The following ZNF248 variants were observed in gnomAD, a reference collection of about 807,000 sequenced individuals.
ZNF248 encodes the protein KRAB protein domain.
A neutral mutation model predicts 44.3 loss-of-function variants in ZNF248; 20 were observed. The ratio of observed to expected loss-of-function variants is 0.45; its 90% CI spans 0.32 to 0.66. ZNF248 has a LOEUF of 0.66. Among genes scored for constraint, ZNF248 ranks in the 30% least tolerant of loss-of-function variants. ZNF248 has a pLI of 0.04. For synonymous variants in ZNF248, 224 were observed against 229.0 expected, an observed-to-expected ratio of 0.98 and a Z score of 0.20; for missense variants, 654 against 677.0, an observed-to-expected ratio of 0.97 and a Z score of 0.38.
chr10:37,765,455 C>T, the ZNF248 span, among the ~76,000 whole-genome samples: 31 of 152,312 alleles, frequency 2.0e-4, no homozygotes, highest in Non-Finnish European at 3.2e-4. Context: ...AGGTGGTCCA[C>T]ACTTTGCATG....
downstream of ZNF248, among the ~76,000 whole-genome samples, chr10:37,826,709 CTATT>C (rs2054447381): frequency 6.6e-6 from 1 of 152,196 alleles, no homozygotes; most frequent in South Asian, 2.1e-4. Context: ...GCTGATACTA[CTATT>C]TATTTCTCTT....
At chr10:37,770,023 A>G in the ZNF248 span, among the ~76,000 whole-genome samples, 2 of 152,222 alleles carry the variant, frequency 1.3e-5, no homozygotes, top group Admixed American at 6.5e-5. Context: ...CCCTTTCACC[A>G]TTGCTTCAAA....
chr10:37,770,955 G>C, the ZNF248 span, among the ~76,000 whole-genome samples: 1 of 152,104 alleles, frequency 6.6e-6, no homozygotes, highest in African/African-American at 2.4e-5. Context: ...TCAAAAAGTG[G>C]GTGAAGGATA....
chr10:37,785,971 C>T (rs1451166145), intron 6 of ZNF248, among the ~76,000 whole-genome samples: 1 of 152,148 alleles, frequency 6.6e-6, no homozygotes, highest in African/African-American at 2.4e-5. Context: ...CAAAGAGCAG[C>T]TACCACAGAA....
At chr10:37,834,511 C>G (rs914342177) in intron 5 of ZNF248, among the ~76,000 whole-genome samples, 16 of 152,238 alleles carry the variant, frequency 1.1e-4, no homozygotes, top group Non-Finnish European at 2.1e-4. Flanking sequence ...TCTGGCTACA[C>G]AGATAATCAA....
intron 3 of ZNF248, 43 bp from the exon 4 acceptor site, chr10:37,838,154 A>G (rs746505625): frequency 6.4e-7 from 1 of 1,568,204 alleles, no homozygotes; most frequent in South Asian, 1.2e-5. Flanking sequence ...TCAGAACTAG[A>G]TGATACAGAA....
the ZNF248 span, among the ~76,000 whole-genome samples, chr10:37,767,776 T>C: frequency 6.6e-6 from 1 of 152,122 alleles, no homozygotes; most frequent in Non-Finnish European, 1.5e-5. Flanking sequence ...TAAATAACAA[T>C]GTTAACTTTA....
At position 37,833,087 on chromosome 10, in the gene ZNF248, C is replaced by CT. The variant is rs1350903686; in HGVS notation, c.267dup (p.Glu90ArgfsTer7). On this transcript the variant is annotated frameshift_variant, in exon 6 of 6. Coordinates refer to ENST00000395867, the MANE Select transcript of ZNF248 (RefSeq NM_021045.3). LOFTEE classifies it low-confidence loss of function (END_TRUNC). ...TCATCTTCATTTTCCTGGCTGCTCT[C>CT]TAACACGTCATCAACTTTCCATTTC... 6.2e-7 allele frequency: 1 copy of CT among 1,603,812 alleles called. No homozygotes were observed. Among genetic ancestry groups the CT allele is most frequent in the Non-Finnish European group, 8.5e-7 (1 of 1,176,282 alleles).
intron 6 of ZNF248, among the ~76,000 whole-genome samples, chr10:37,807,135 C>T (rs986802649): frequency 2.6e-4 from 40 of 151,978 alleles, no homozygotes; most frequent in African/African-American, 8.9e-4. Flanking sequence ...AGGTATGTGC[C>T]GCCACACCCT....
At chr10:37,811,087 A>C (rs1293410155) in intron 6 of ZNF248, among the ~76,000 whole-genome samples, 1 of 152,230 alleles carries the variant, frequency 6.6e-6, no homozygotes. Flanking sequence ...AAGTACCACT[A>C]GTGATGCTGC....
intron 6 of ZNF248, among the ~76,000 whole-genome samples, chr10:37,797,583 T>A (rs2049306596): frequency 6.6e-6 from 1 of 151,122 alleles, no homozygotes; most frequent in African/African-American, 2.4e-5. Flanking sequence ...CCAAATATAT[T>A]TTTAAAAAAA....
intron 6 of ZNF248, among the ~76,000 whole-genome samples, chr10:37,821,468 A>G (rs908852087): frequency 6.6e-6 from 1 of 152,190 alleles, no homozygotes; most frequent in Non-Finnish European, 1.5e-5. Flanking sequence ...CACACCCCTC[A>G]GTCCAGCTCT....
intron 6 of ZNF248, among the ~76,000 whole-genome samples, chr10:37,815,319 C>A (rs981723782): frequency 1.3e-5 from 2 of 152,150 alleles, no homozygotes; most frequent in African/African-American, 4.8e-5. Flanking sequence ...CTGCCTCAGC[C>A]TCCCAAAGTG....
chr10:37,820,122 G>A (rs2053213859), intron 6 of ZNF248: 1 of 988,924 alleles, frequency 1.0e-6, no homozygotes, highest in Non-Finnish European at 1.6e-6. Flanking sequence ...TCAAATCACA[G>A]TTGGCTCTTA....
At chr10:37,778,431 T>A in intron 6 of ZNF248, among the ~76,000 whole-genome samples, 1 of 152,100 alleles carries the variant, frequency 6.6e-6, no homozygotes, top group Non-Finnish European at 1.5e-5. Flanking sequence ...AGATTCTGGA[T>A]ATTAGCCCTT....
At chr10:37,842,021 T>G (rs1281155983) in intron 3 of ZNF248, among the ~76,000 whole-genome samples, 1 of 152,120 alleles carries the variant, frequency 6.6e-6, no homozygotes, top group East Asian at 1.9e-4. Flanking sequence ...AGGGAAAAAT[T>G]AAGAAAATCC....
chr10:37,840,465 G>A (rs1183107388), intron 3 of ZNF248, among the ~76,000 whole-genome samples: 1 of 152,082 alleles, frequency 6.6e-6, no homozygotes, highest in Non-Finnish European at 1.5e-5. Flanking sequence ...ACAAAAATGA[G>A]ATACCATAAT....
At chr10:37,821,465 C>T (rs2053452455) in intron 6 of ZNF248, among the ~76,000 whole-genome samples, 1 of 152,294 alleles carries the variant, frequency 6.6e-6, no homozygotes, top group African/African-American at 2.4e-5. Context: ...GCTCACACCC[C>T]TCAGTCCAGC....
intron 6 of ZNF248, among the ~76,000 whole-genome samples, chr10:37,780,785 C>T (rs945793255): frequency 2.0e-5 from 3 of 152,160 alleles, no homozygotes; most frequent in Admixed American, 1.3e-4. Context: ...CCACTGCCCC[C>T]GAGCCGCGCG....
Sources: allele counts gnomAD v4.1 joint callset (sites outside exome capture counted in the v4.1 genomes callset), GRCh38; gene constraint gnomAD v4.1.1; transcripts MANE v1.5; gene names NCBI Gene and HGNC (gene_info 2026-07-23, HGNC 2026-07-21).